Variants in DIAPH3 observed in about 807,000 individuals in gnomAD.
The protein encoded by DIAPH3 is diaphanous related formin 3.
DIAPH3 carries 117 observed loss-of-function variants against 144.3 expected under a neutral mutation model. The observed-to-expected ratio is 0.81, with a 90% CI of 0.70 to 0.95. DIAPH3 has a LOEUF of 0.95. Among genes scored for constraint, DIAPH3 ranks in the 40% least tolerant of loss-of-function variants. The probability of loss-of-function intolerance (pLI) is 0.00; values close to 1 mark genes in which losing one functional copy is unlikely to be tolerated. For missense variants in DIAPH3, 1,421 were observed against 1,412.7 expected, an observed-to-expected ratio of 1.01 and a Z score of -0.09; for synonymous variants, 519 against 488.9, an observed-to-expected ratio of 1.06 and a Z score of -0.81.
At chr13:59,676,363 C>T (rs1385564893) in intron 27 of DIAPH3, among the ~76,000 whole-genome samples, 1 of 152,178 alleles carries the variant, frequency 6.6e-6, no homozygotes, top group African/African-American at 2.4e-5. Flanking sequence ...AAATCTTAGT[C>T]ACTGGCTCTG....
intron 13 of DIAPH3, among the ~76,000 whole-genome samples, chr13:59,983,263 A>G (rs2051148490): frequency 6.6e-6 from 1 of 150,444 alleles, no homozygotes. Context: ...CAACTCAATT[A>G]CACAAATATT....
At position 59,690,028 on chromosome 13, in the gene DIAPH3, A is replaced by G. The variant is rs548731252; in HGVS notation, c.3320-23182T>C. On this transcript the variant is annotated intron_variant, in intron 27 of 27. Transcript: ENST00000400324. Reference sequence around the variant, plus strand: ...CCCAAGAGGAAACCAAGGCCCAGAGATATTAACTCATGTGTTTTCGACTTG... The same window carrying G: ...CCCAAGAGGAAACCAAGGCCCAGAGGTATTAACTCATGTGTTTTCGACTTG... Among the ~76,000 whole-genome samples, 3 of 152,148 alleles carry G rather than the reference A, an allele frequency of 2.0e-5. No homozygotes were observed. In the East Asian group the frequency reaches 5.8e-4, roughly 30 times the overall value.
At chr13:60,084,570 T>G (rs192682784) in intron 4 of DIAPH3, among the ~76,000 whole-genome samples, 1 of 151,768 alleles carries the variant, frequency 6.6e-6, no homozygotes, top group African/African-American at 2.4e-5. Flanking sequence ...GGTTTTAAAC[T>G]CACCAAAGTA....
chr13:60,015,365 G>A (rs919461352), intron 7 of DIAPH3, among the ~76,000 whole-genome samples: 1 of 151,894 alleles, frequency 6.6e-6, no homozygotes, highest in East Asian at 1.9e-4. Context: ...ATATTACTTG[G>A]GTTAAGCCTC....
At position 59,827,552 on chromosome 13, in the gene DIAPH3, G is replaced by A. The variant is rs183512717; in HGVS notation, c.3027+5555C>T. Among the ~76,000 whole-genome samples the A allele has an allele frequency of 2.0e-5, 3 of 152,096 alleles. No individual in the cohort carries two copies. The East Asian group carries it at 5.8e-4, about 29-fold the overall frequency. On this transcript the variant is annotated intron_variant, in intron 24 of 27. Coordinates refer to ENST00000400324, the MANE Select transcript of DIAPH3 (RefSeq NM_001042517.2). ...ATGTCAGATGAAATTTGCTTAAGGA[G>A]ATAAGAGTGTTGTACTTTGCTAATA...
In DIAPH3 at chr13:59,992,481, T is replaced by C. The variant is rs1414103887; in HGVS notation, c.1117A>G (p.Ile373Val). 1 of 1,611,130 alleles carries C rather than the reference T, an allele frequency of 6.2e-7. No individual in the cohort carries two copies. Among genetic ancestry groups the C allele is most frequent in the South Asian group, 1.1e-5 (1 of 90,968 alleles). The change falls in exon 10 of 28, where the codon ATA (isoleucine) becomes GTA (valine). Residue 373 changes from isoleucine to valine, a missense_variant. Ile to Val is a conservative substitution (Grantham distance 29). Coordinates refer to ENST00000400324, the MANE Select transcript of DIAPH3 (RefSeq NM_001042517.2). ...NEFMRCGLKE[I>V]LPNLKCIKND... Reference sequence around the variant, plus strand: ...GACTGCAGGGCACTTACTGGCAATATCTCTTTCAATCCACAACGCATAAAT... The same window carrying C: ...GACTGCAGGGCACTTACTGGCAATACCTCTTTCAATCCACAACGCATAAAT...
chr13:59,929,546 A>ATTT (rs1566531763), intron 17 of DIAPH3, among the ~76,000 whole-genome samples: 1 of 123,900 alleles, frequency 8.1e-6, no homozygotes, highest in African/African-American at 3.2e-5. Context: ...CCATATCTAA[A>ATTT]TTTTGTTCTT....
chr13:60,082,559 G>A (rs747666372), intron 4 of DIAPH3, among the ~76,000 whole-genome samples: 1 of 150,728 alleles, frequency 6.6e-6, no homozygotes, highest in Non-Finnish European at 1.5e-5. Flanking sequence ...AAAAAAAATA[G>A]TATTATTCAA....
intron 15 of DIAPH3, among the ~76,000 whole-genome samples, chr13:59,973,407 A>C (rs1028844915): frequency 6.6e-6 from 1 of 151,936 alleles, no homozygotes; most frequent in African/African-American, 2.4e-5. Context: ...ATGAGAGACA[A>C]GGAACCATAT....
intron 22 of DIAPH3, among the ~76,000 whole-genome samples, chr13:59,847,733 G>C (rs1159149075): frequency 6.6e-6 from 1 of 152,174 alleles, no homozygotes; most frequent in Non-Finnish European, 1.5e-5. Flanking sequence ...AGCACAGACT[G>C]ACTGACTTTC....
intron 27 of DIAPH3, among the ~76,000 whole-genome samples, chr13:59,758,792 T>G (rs1422396822): frequency 1.3e-5 from 2 of 151,688 alleles, no homozygotes; most frequent in Admixed American, 6.6e-5. Flanking sequence ...TTTTTTTTTT[T>G]TTTAAGAGAC....
intron 20 of DIAPH3, among the ~76,000 whole-genome samples, chr13:59,901,401 C>T (rs1228641407): frequency 6.6e-6 from 1 of 152,164 alleles, no homozygotes; most frequent in African/African-American, 2.4e-5. Flanking sequence ...TAACATGCTT[C>T]CTTGAGATAT....
At chr13:60,115,859 C>T (rs941493436) in intron 2 of DIAPH3, among the ~76,000 whole-genome samples, 3 of 151,752 alleles carry the variant, frequency 2.0e-5, no homozygotes, top group African/African-American at 7.3e-5. Flanking sequence ...TTGAAAAAAA[C>T]CTGTGTGTAA....
intron 25 of DIAPH3, among the ~76,000 whole-genome samples, chr13:59,780,913 G>T (rs1482687249): frequency 2.0e-5 from 3 of 152,052 alleles, no homozygotes; most frequent in South Asian, 4.1e-4. Flanking sequence ...CAAAAATGTG[G>T]GTAATATTTT....
At chr13:59,719,720 C>G (rs1316997728) in intron 27 of DIAPH3, among the ~76,000 whole-genome samples, 3 of 152,042 alleles carry the variant, frequency 2.0e-5, no homozygotes, top group African/African-American at 7.2e-5. Flanking sequence ...TTTTTCCTCT[C>G]TGAATAAAGA....
At chr13:60,009,671 C>T (rs368440220) in intron 8 of DIAPH3, among the ~76,000 whole-genome samples, 3 of 152,254 alleles carry the variant, frequency 2.0e-5, no homozygotes, top group Non-Finnish European at 4.4e-5. Flanking sequence ...GCACACTTTG[C>T]GGGCAGACTG....
At chr13:59,927,988 C>T (rs1251061560) in intron 17 of DIAPH3, among the ~76,000 whole-genome samples, 1 of 152,096 alleles carries the variant, frequency 6.6e-6, no homozygotes, top group African/African-American at 2.4e-5. Flanking sequence ...TGCCTTTTCC[C>T]ATCTCTTCTC....
intron 27 of DIAPH3, among the ~76,000 whole-genome samples, chr13:59,704,576 T>G (rs2034309462): frequency 6.6e-6 from 1 of 152,246 alleles, no homozygotes; most frequent in South Asian, 2.1e-4. Context: ...GGATTGCATG[T>G]ATGATGGTGA....
chr13:59,988,085 C>A (rs1056172362), intron 12 of DIAPH3, among the ~76,000 whole-genome samples: 1 of 151,838 alleles, frequency 6.6e-6, no homozygotes, highest in Non-Finnish European at 1.5e-5. Context: ...ACCTAATAAA[C>A]CATCTATTAC....
Sources: gnomAD v4.1 joint callset for allele counts (sites outside exome capture counted in the v4.1 genomes callset) on GRCh38, gnomAD v4.1.1 for gene constraint, MANE v1.5 for transcripts, NCBI Gene and HGNC (gene_info 2026-07-23, HGNC 2026-07-21) for gene names.